CEMIP2: variants seen among roughly 807,000 people sequenced by gnomAD.
The protein encoded by CEMIP2 is cell migration inducing hyaluronidase 2.
A neutral mutation model predicts 146.9 loss-of-function variants in CEMIP2; 79 were observed. The ratio of observed to expected loss-of-function variants is 0.54; its 90% CI spans 0.45 to 0.65. The LOEUF (loss-of-function observed/expected upper bound fraction) is 0.65, where lower values mean the gene tolerates loss of function less well. Among genes scored for constraint, CEMIP2 ranks in the 30% least tolerant of loss-of-function variants. The pLI is 0.00. For missense variants in CEMIP2, 1,596 were observed against 1,696.2 expected (o/e 0.94, Z 1.04); for synonymous variants, 601 against 606.3 (o/e 0.99, Z 0.13).
rs984678260 is a variant in CEMIP2 at position 71,689,942 on chromosome 9, G to A, written c.3851+150C>T. 104 of 932,888 alleles carry A rather than the reference G, an allele frequency of 1.1e-4. 1 individual carries two copies. The highest frequency in any genetic ancestry group is 1.5e-4 in the Non-Finnish European group (92 of 632,104). 57.8% of individuals were successfully genotyped at this position (932,888 alleles called of 1,614,324 possible). A position where few individuals can be genotyped will look rare whatever the true frequency, so the allele number is the denominator to read the frequency against. On this transcript the variant is annotated intron_variant, in intron 22 of 23. Transcript: ENST00000377044. ...GATAAGCAGCTTAGACGACATGGGCGTCAATCTGAGGTAGGAGAGGAATGA... is the reference window on the plus strand; with the variant it reads ...GATAAGCAGCTTAGACGACATGGGCATCAATCTGAGGTAGGAGAGGAATGA...
chr9:71,691,410 T>A (rs958179121), intron 21 of CEMIP2, among the ~76,000 whole-genome samples: 9 of 141,986 alleles, frequency 6.3e-5, no homozygotes, highest in East Asian at 2.1e-4. Context: ...AGAGTGAGAC[T>A]CTGTCTCAGG....
intron 6 of CEMIP2, among the ~76,000 whole-genome samples, chr9:71,733,049 C>G (rs1823669717): frequency 6.6e-6 from 1 of 152,112 alleles, no homozygotes; most frequent in Non-Finnish European, 1.5e-5. Flanking sequence ...GTCTCCTCCC[C>G]TAGGGCATAT....
intron 15 of CEMIP2, chr9:71,712,527 G>T: frequency 3.2e-6 from 1 of 315,854 alleles, no homozygotes. Flanking sequence ...GGAGAAAGAT[G>T]CTATTTTAGA....
intron 1 of CEMIP2, among the ~76,000 whole-genome samples, chr9:71,753,278 G>T (rs1424809002): frequency 6.6e-6 from 1 of 152,042 alleles, no homozygotes; most frequent in African/African-American, 2.4e-5. Context: ...ACAGGCTGGT[G>T]GGGGCGGGGG....
intron 12 of CEMIP2, among the ~76,000 whole-genome samples, chr9:71,720,255 TGAA>T (rs79354138): frequency 0.057 from 8,665 of 152,228 alleles, 264 homozygotes; most frequent in South Asian, 0.069. Flanking sequence ...TTTCACGTCT[TGAA>T]GACACAAGGA....
intron 10 of CEMIP2, among the ~76,000 whole-genome samples, chr9:71,728,815 TTGTG>T (rs33987875): frequency 2.0e-5 from 3 of 148,200 alleles, no homozygotes; most frequent in African/African-American, 7.5e-5. Flanking sequence ...TGTGGGGTTT[TTGTG>T]TGTGTGTGTG....
Position 71,731,018 on chromosome 9 carries a change from A to G in CEMIP2, c.1564-104T>C, listed in dbSNP as rs555488858. On this transcript the variant is annotated intron_variant, in intron 7 of 23. Coordinates refer to ENST00000377044, the MANE Select transcript of CEMIP2 (RefSeq NM_013390.3). ...CATCCAAAGGAGAATACTTATTAAA[A>G]CATTCGATTTTCTTTTGCATCCTGT... is the stretch of plus-strand genomic sequence containing the variant. 6 of 893,702 alleles carry G rather than the reference A, an allele frequency of 6.7e-6. No homozygotes were observed. In the South Asian group the frequency reaches 1.0e-4, roughly 15 times the overall value. 55.4% of individuals were successfully genotyped at this position (893,702 alleles called of 1,614,324 possible).
At chr9:71,766,019 A>T (rs1824779552) in intron 1 of CEMIP2, among the ~76,000 whole-genome samples, 1 of 151,922 alleles carries the variant, frequency 6.6e-6, no homozygotes. Flanking sequence ...ACAGCACTCC[A>T]TGTGAGTCTA....
At chr9:71,752,011 A>T (rs1824268234) in intron 1 of CEMIP2, among the ~76,000 whole-genome samples, 2 of 152,218 alleles carry the variant, frequency 1.3e-5, no homozygotes, top group Non-Finnish European at 2.9e-5. Context: ...TTAGTGCCTT[A>T]TGTGTATTAA....
At position 71,683,754 on chromosome 9, in the gene CEMIP2, T is replaced by G. The variant is rs1821974142; in HGVS notation, c.*1443A>C. ...ATATTTTGTAAAGTCACAGGGCTGC[T>G]CTGCAGTTTCTCCTGGATACAAAGG... On this transcript the variant is annotated 3_prime_UTR_variant, in exon 24 of 24. Transcript: ENST00000377044. 1 of 152,596 alleles carries G rather than the reference T, an allele frequency of 6.6e-6. No homozygotes were observed. The highest frequency in any genetic ancestry group is 1.5e-5 in the Non-Finnish European group (1 of 68,046). The allele number at this position is 152,596 out of a possible 1,614,324, so 9.5% of individuals were successfully genotyped here.
At chr9:71,769,002 C>G (rs866152423), upstream of CEMIP2, 2 of 152,182 alleles carry the variant, frequency 1.3e-5, no homozygotes, top group Non-Finnish European at 2.9e-5. Context: ...CCGCCGGCCC[C>G]GCTCCCCGCG....
chr9:71,734,208 G>GGTGTTTT (rs374206725), intron 6 of CEMIP2, among the ~76,000 whole-genome samples: 2 of 144,136 alleles, frequency 1.4e-5, no homozygotes, highest in Non-Finnish European at 3.1e-5. Context: ...ATGAGTTTTT[G>GGTGTTTT]TTTTTGTTTT....
chr9:71,725,982 AT>A (rs1823372341), intron 10 of CEMIP2, among the ~76,000 whole-genome samples: 1 of 152,232 alleles, frequency 6.6e-6, no homozygotes. Context: ...AAACTTTTCC[AT>A]CATTATCTAC....
intron 16 of CEMIP2, among the ~76,000 whole-genome samples, chr9:71,709,997 C>A (rs1822861674): frequency 6.6e-6 from 1 of 151,992 alleles, no homozygotes; most frequent in Non-Finnish European, 1.5e-5. Context: ...ATGACTCCCC[C>A]CACCAAAAAA....
chr9:71,758,787 A>G (rs1265437312), intron 1 of CEMIP2, among the ~76,000 whole-genome samples: 1 of 152,208 alleles, frequency 6.6e-6, no homozygotes, highest in Non-Finnish European at 1.5e-5. Context: ...ATCTCAAAAT[A>G]TGTCAAAGAA....
At chr9:71,702,949 T>C (rs1427863415) in intron 18 of CEMIP2, among the ~76,000 whole-genome samples, 1 of 152,236 alleles carries the variant, frequency 6.6e-6, no homozygotes, top group Non-Finnish European at 1.5e-5. Flanking sequence ...TTCATAATTC[T>C]GCCCAATATA....
chr9:71,724,491 A>G (rs922865426), intron 11 of CEMIP2, among the ~76,000 whole-genome samples: 1 of 152,120 alleles, frequency 6.6e-6, no homozygotes, highest in African/African-American at 2.4e-5. Flanking sequence ...TCAAACTGTA[A>G]CACACTTAGG....
chr9:71,767,319 C>G (rs1414587837), intron 1 of CEMIP2, among the ~76,000 whole-genome samples: 1 of 152,098 alleles, frequency 6.6e-6, no homozygotes, highest in Non-Finnish European at 1.5e-5. Flanking sequence ...CACTTTTTAC[C>G]GGGAAGAGCA....
chr9:71,758,421 TACAGAAGTG>T (rs199643815), intron 1 of CEMIP2, among the ~76,000 whole-genome samples: 1,915 of 152,234 alleles, frequency 0.013, 31 homozygotes, highest in Middle Eastern at 0.034. Flanking sequence ...CCTGGTGGGG[TACAGAAGTG>T]TGTAAATACC....
Sources: allele counts gnomAD v4.1 joint callset (sites outside exome capture counted in the v4.1 genomes callset), GRCh38; gene constraint gnomAD v4.1.1; transcripts MANE v1.5; gene names NCBI Gene and HGNC (gene_info 2026-07-23, HGNC 2026-07-21).